The following IKZF3 variants were observed in gnomAD, a reference collection of about 807,000 sequenced individuals.
IKZF3 encodes IKAROS family zinc finger 3.
Under a neutral mutation model 49.0 loss-of-function variants are expected in IKZF3, and 10 were observed. The observed-to-expected ratio is 0.20, with a 90% CI of 0.13 to 0.35. The LOEUF is 0.35. Ranked by LOEUF, IKZF3 falls within the 10% of genes least tolerant of loss-of-function variation. IKZF3 has a pLI of 1.00. For synonymous variants in IKZF3, 209 were observed against 228.2 expected (o/e 0.92, Z 0.76); for missense variants, 498 against 664.8 (o/e 0.75, Z 2.76).
chr17:39,791,302 C>T (rs1017842991), intron 5 of IKZF3, 114 bp downstream of exon 5: 22 of 1,111,296 alleles, frequency 2.0e-5, no homozygotes, highest in African/African-American at 3.1e-5. Context: ...CTGTTGTAAC[C>T]CTTCAGAACA....
chr17:39,851,253 T>C (rs1324040993), intron 1 of IKZF3, among the ~76,000 whole-genome samples: 1 of 151,802 alleles, frequency 6.6e-6, no homozygotes, highest in Non-Finnish European at 1.5e-5. Flanking sequence ...GGTCTTGAAC[T>C]CCTGGGCTCA....
In IKZF3 at chr17:39,762,763, T is replaced by G. The variant is rs1279460242; in HGVS notation, c.*3027A>C. On this transcript the variant is annotated 3_prime_UTR_variant, in exon 8 of 8. Coordinates refer to ENST00000346872, the MANE Select transcript of IKZF3 (RefSeq NM_012481.5). ...TTAGCCGGGCTTGGTGGTGAGCACC[T>G]GTAATCCCAGCTACTTGGGAGGCTG... The G allele has an allele frequency of 6.6e-6, 1 of 152,356 alleles. No individual in the cohort carries two copies. Among genetic ancestry groups the G allele is most frequent in the African/African-American group, 2.4e-5 (1 of 41,444 alleles). The allele number at this position is 152,356 out of a possible 1,614,324, so 9.4% of individuals were successfully genotyped here.
chr17:39,864,102 A>G lies in IKZF3; in HGVS notation c.7+18T>C. The G allele has an allele frequency of 1.2e-6, 2 of 1,613,006 alleles. No homozygotes were observed. Among genetic ancestry groups the G allele is most frequent in the Non-Finnish European group, 1.7e-6 (2 of 1,179,620 alleles). On this transcript the variant is annotated intron_variant, in intron 1 of 7. Coordinates refer to ENST00000346872, the MANE Select transcript of IKZF3 (RefSeq NM_012481.5). ...TTTCTCAAAGACCCCGGAGAAAAGA[A>G]GCGGGCTGGAGGCTCACCTTCCATG...
intron 3 of IKZF3, among the ~76,000 whole-genome samples, chr17:39,816,608 A>C (rs1170698213): frequency 6.6e-6 from 1 of 152,242 alleles, no homozygotes; most frequent in Non-Finnish European, 1.5e-5. Context: ...TTACAGAAAA[A>C]GTTTGCCAAT....
At chr17:39,844,551 C>T (rs545469784) in intron 1 of IKZF3, among the ~76,000 whole-genome samples, 324 of 152,240 alleles carry the variant, frequency 2.1e-3, no homozygotes, top group Non-Finnish European at 3.5e-3. Context: ...CATTTTCTTT[C>T]CTCTTACCTG....
Position 39,759,535 on chromosome 17 carries a change from G to A in IKZF3, c.*6255C>T, listed in dbSNP as rs1490162565. The A allele has an allele frequency of 6.6e-6, 1 of 152,238 alleles. No individual in the cohort carries two copies. Among genetic ancestry groups the A allele is most frequent in the Non-Finnish European group, 1.5e-5 (1 of 68,056 alleles). The allele number at this position is 152,238 out of a possible 1,614,324, so 9.4% of individuals were successfully genotyped here. The stretch of plus-strand genomic sequence containing the variant: ...GACTATCTACAGCTGGGGCAAGGGA[G>A]AGGCACAGTCTTGTGTTACTTTACA... On this transcript the variant is annotated 3_prime_UTR_variant, in exon 8 of 8. Coordinates refer to ENST00000346872, the MANE Select transcript of IKZF3 (RefSeq NM_012481.5).
chr17:39,813,634 TAAA>T (rs796937179), intron 3 of IKZF3, among the ~76,000 whole-genome samples: 1 of 142,462 alleles, frequency 7.0e-6, no homozygotes, highest in African/African-American at 2.6e-5. Flanking sequence ...ACAGCGTGAT[TAAA>T]AAAAAAAAAA....
chr17:39,843,731 C>T (rs551723885), intron 1 of IKZF3, among the ~76,000 whole-genome samples: 193 of 150,946 alleles, frequency 1.3e-3, no homozygotes, highest in African/African-American at 4.6e-3. Context: ...CGCTTGAACA[C>T]GGGGGGCAGA....
chr17:39,831,953 C>T, intron 2 of IKZF3, 145 bp downstream of exon 2: 1 of 602,620 alleles, frequency 1.7e-6, no homozygotes, highest in Non-Finnish European at 2.9e-6. Context: ...GTTATTTTTT[C>T]ATCAGCAACA....
chr17:39,817,574 G>GACT (rs2061705628), intron 3 of IKZF3, among the ~76,000 whole-genome samples: 1 of 152,128 alleles, frequency 6.6e-6, no homozygotes, highest in Non-Finnish European at 1.5e-5. Context: ...GAGTAGCTGG[G>GACT]ACTACAGTCT....
chr17:39,814,173 T>C (rs2061626884), intron 3 of IKZF3, among the ~76,000 whole-genome samples: 1 of 152,172 alleles, frequency 6.6e-6, no homozygotes, highest in Non-Finnish European at 1.5e-5. Context: ...GGAAGAAGAA[T>C]TATTTTTTTC....
At chr17:39,829,532 G>A (rs372022574) in intron 2 of IKZF3, 44 bp from the exon 3 acceptor site, 11 of 1,383,146 alleles carry the variant, frequency 8.0e-6, no homozygotes, top group Admixed American at 3.4e-5. Flanking sequence ...CAACGTTAAA[G>A]GATTTTTATA....
intron 2 of IKZF3, among the ~76,000 whole-genome samples, chr17:39,831,412 T>C (rs2062106097): frequency 6.6e-6 from 1 of 152,110 alleles, no homozygotes; most frequent in Admixed American, 6.6e-5. Context: ...GATTACAAGT[T>C]ACAGTAACAC....
intron 1 of IKZF3, among the ~76,000 whole-genome samples, chr17:39,862,285 T>C (rs2063233927): frequency 6.6e-6 from 1 of 152,210 alleles, no homozygotes. Flanking sequence ...GCTGAAGGAA[T>C]GATATACAGT....
chr17:39,864,160 G>T lies in IKZF3; in HGVS notation c.-34C>A. On this transcript the variant is annotated 5_prime_UTR_variant, in exon 1 of 8. Transcript: ENST00000346872. ...CGGGCCGGGCTGGAGCTGCCGCTGT[G>T]GCTACTCGGCCTCTCCACGTGCTCC... The T allele has an allele frequency of 6.2e-7, 1 of 1,611,092 alleles. No individual in the cohort carries two copies. Among genetic ancestry groups the T allele is most frequent in the Non-Finnish European group, 8.5e-7 (1 of 1,178,844 alleles).
rs1481015426 is a variant in IKZF3 at position 39,864,297 on chromosome 17, G to C, written c.-171C>G. On this transcript the variant is annotated 5_prime_UTR_variant, in exon 1 of 8. Transcript: ENST00000346872. ...TGAAAAGGGCAGGAGCCGGCGACCT[G>C]CCGGTGCGCGGGGTTACAGCGGCGC... 7.5e-6 allele frequency: 5 copies of C among 669,296 alleles called. No homozygotes were observed. The highest frequency in any genetic ancestry group is 1.9e-5 in the African/African-American group (1 of 51,422). 41.5% of individuals were successfully genotyped at this position (669,296 alleles called of 1,614,324 possible).
At chr17:39,795,406 T>C (rs1199158387) in intron 3 of IKZF3, among the ~76,000 whole-genome samples, 5 of 152,086 alleles carry the variant, frequency 3.3e-5, no homozygotes. Flanking sequence ...CTTATTTTTA[T>C]TTTATTCTAT....
intron 1 of IKZF3, among the ~76,000 whole-genome samples, chr17:39,858,340 T>C (rs2063125669): frequency 6.6e-6 from 1 of 152,140 alleles, no homozygotes; most frequent in Admixed American, 6.5e-5. Flanking sequence ...AAACCCACAA[T>C]AACCTAATCT....
rs2060153493 is a variant in IKZF3 at position 39,760,328 on chromosome 17, T to G, written c.*5462A>C. Reference sequence around the variant, plus strand: ...TGCACCACCACACCCAGCTAATTTTTGTATTTTTTTTTTCGAGATGGAGTC... The same window carrying G: ...TGCACCACCACACCCAGCTAATTTTGGTATTTTTTTTTTCGAGATGGAGTC... On this transcript the variant is annotated 3_prime_UTR_variant, in exon 8 of 8. Transcript: ENST00000346872. 1 of 150,908 alleles carries G rather than the reference T, an allele frequency of 6.6e-6. No individual in the cohort carries two copies. The highest frequency in any genetic ancestry group is 2.1e-4 in the South Asian group (1 of 4,756). The allele number at this position is 150,908 out of a possible 1,614,324, so 9.3% of individuals were successfully genotyped here.
Sources: allele counts gnomAD v4.1 joint callset (sites outside exome capture counted in the v4.1 genomes callset), GRCh38; gene constraint gnomAD v4.1.1; transcripts MANE v1.5; gene names NCBI Gene and HGNC (gene_info 2026-07-23, HGNC 2026-07-21).